The following EVI5 variants were observed in gnomAD, a reference collection of about 807,000 sequenced individuals.
EVI5 encodes ecotropic viral integration site 5.
Under a neutral mutation model 112.0 loss-of-function variants are expected in EVI5, and 73 were observed. The ratio of observed to expected loss-of-function variants is 0.65; its 90% CI spans 0.54 to 0.79. EVI5 has a LOEUF of 0.79. Ranked by LOEUF, EVI5 falls within the 30% of genes least tolerant of loss-of-function variation. EVI5 has a pLI of 0.00. For missense variants in EVI5, 900 were observed against 968.8 expected, an observed-to-expected ratio of 0.93 and a Z score of 0.94; for synonymous variants, 305 against 319.9, an observed-to-expected ratio of 0.95 and a Z score of 0.50.
At chr1:92,746,012 G>A (rs1438836182) in intron 1 of EVI5, among the ~76,000 whole-genome samples, 1 of 152,196 alleles carries the variant, frequency 6.6e-6, no homozygotes. Flanking sequence ...GAAAGCCTAA[G>A]TTGGGTGTAC....
At chr1:92,691,607 G>C (rs560126597) in intron 9 of EVI5, among the ~76,000 whole-genome samples, 2 of 152,178 alleles carry the variant, frequency 1.3e-5, no homozygotes, top group South Asian at 4.1e-4. Flanking sequence ...TTGCTTCTAA[G>C]TCAGAACTCA....
Position 92,530,657 on chromosome 1 carries a change from T to C in EVI5, c.2167-16687A>G, listed in dbSNP as rs573365230. ...ATACCCAGGCAAACAGGGTCCAGAG[T>C]GGACCTCCAACAAACTCCAGCAGAC... On this transcript the variant is annotated intron_variant, in intron 19 of 19. Coordinates refer to ENST00000684568, the MANE Select transcript of EVI5 (RefSeq NM_001350197.2). 9.2e-5 allele frequency among the ~76,000 whole-genome samples: 14 copies of C among 151,762 alleles called. No homozygotes were observed. In the East Asian group the frequency reaches 2.4e-3, roughly 25 times the overall value.
At chr1:92,755,068 G>GTTTTGTT (rs376692311) in intron 1 of EVI5, among the ~76,000 whole-genome samples, 5 of 33,594 alleles carry the variant, frequency 1.5e-4, no homozygotes, top group East Asian at 9.7e-4. Flanking sequence ...GTGAACATAG[G>GTTTTGTT]TTTTTTTTTT....
At chr1:92,656,503 A>C (rs1663015574) in intron 13 of EVI5, among the ~76,000 whole-genome samples, 1 of 151,932 alleles carries the variant, frequency 6.6e-6, no homozygotes, top group Non-Finnish European at 1.5e-5. Context: ...ACAAGAACCT[A>C]AAGCAAGCAG....
chr1:92,607,523 C>CAA lies in EVI5; in HGVS notation c.1974+56_1974+57dup, dbSNP rs139549718. The CAA allele has an allele frequency of 4.1e-6, 5 of 1,206,566 alleles. No individual in the cohort carries two copies. The African/African-American group carries it at 8.0e-5, about 19-fold the overall frequency. The allele number at this position is 1,206,566 out of a possible 1,614,324, so 74.7% of individuals were successfully genotyped here. A position where few individuals can be genotyped will look rare whatever the true frequency, so the allele number is the denominator to read the frequency against. ...GATAATCTAATCACGATAAAACAAA[C>CAA]AAAAAAAAGGCATTATTATATTGAC... On this transcript the variant is annotated intron_variant, in intron 17 of 19. Coordinates refer to ENST00000684568, the MANE Select transcript of EVI5 (RefSeq NM_001350197.2).
At chr1:92,534,548 A>G (rs1462205419) in intron 19 of EVI5, among the ~76,000 whole-genome samples, 3 of 152,190 alleles carry the variant, frequency 2.0e-5, no homozygotes, top group Non-Finnish European at 4.4e-5. Flanking sequence ...AGGCTACAGT[A>G]ACCAAAACAG....
intron 1 of EVI5, among the ~76,000 whole-genome samples, chr1:92,762,912 C>A (rs1280468550): frequency 6.6e-6 from 1 of 152,064 alleles, no homozygotes; most frequent in African/African-American, 2.4e-5. Flanking sequence ...GTCCAGACCT[C>A]ACCACTACAC....
chr1:92,767,787 G>A (rs1156794011), intron 1 of EVI5, among the ~76,000 whole-genome samples: 2 of 152,116 alleles, frequency 1.3e-5, no homozygotes, highest in Non-Finnish European at 2.9e-5. Flanking sequence ...ACTCAAATAA[G>A]CAGATTTTTT....
chr1:92,680,527 A>G (rs1478926886), intron 9 of EVI5, among the ~76,000 whole-genome samples: 2 of 152,174 alleles, frequency 1.3e-5, no homozygotes, highest in African/African-American at 4.8e-5. Context: ...TAAATAAAGA[A>G]TGAGGGAGTG....
intron 1 of EVI5, among the ~76,000 whole-genome samples, chr1:92,753,380 A>G (rs1680478959): frequency 1.3e-5 from 2 of 152,218 alleles, no homozygotes; most frequent in Non-Finnish European, 2.9e-5. Flanking sequence ...CTCTAATAGA[A>G]ATATAAGGCA....
At position 92,729,925 on chromosome 1, in the gene EVI5, A is replaced by C. The variant is rs549782590; in HGVS notation, c.149+6473T>G. Among the ~76,000 whole-genome samples, 130 of 152,332 alleles carry C rather than the reference A, an allele frequency of 8.5e-4. 1 individual carries two copies. In the South Asian group the frequency reaches 0.011, roughly 13 times the overall value. Reference sequence around the variant, plus strand: ...GAAGTGGGGTTTATCCTAAGAATGTAAAGTCGGTTTAACATTGAAAAATCA... The same window carrying C: ...GAAGTGGGGTTTATCCTAAGAATGTCAAGTCGGTTTAACATTGAAAAATCA... On this transcript the variant is annotated intron_variant, in intron 2 of 19. Coordinates refer to ENST00000684568, the MANE Select transcript of EVI5 (RefSeq NM_001350197.2).
intron 5 of EVI5, among the ~76,000 whole-genome samples, chr1:92,701,934 T>C (rs1410523550): frequency 1.2e-4 from 2 of 16,142 alleles, no homozygotes; most frequent in Non-Finnish European, 2.4e-4. Context: ...ATCATGAAGT[T>C]GAAATTTCAT....
At chr1:92,567,688 C>T (rs1377923815) in intron 18 of EVI5, among the ~76,000 whole-genome samples, 1 of 152,068 alleles carries the variant, frequency 6.6e-6, no homozygotes, top group African/African-American at 2.4e-5. Flanking sequence ...ACACTGATGA[C>T]ATTGCCTAAG....
intron 10 of EVI5, among the ~76,000 whole-genome samples, chr1:92,675,145 C>T (rs1666510987): frequency 1.3e-5 from 2 of 152,160 alleles, no homozygotes; most frequent in Non-Finnish European, 2.9e-5. Context: ...GAGTTCGAGA[C>T]CAGCCTGGGC....
intron 10 of EVI5, among the ~76,000 whole-genome samples, chr1:92,667,095 G>A (rs1314282655): frequency 6.6e-6 from 1 of 152,156 alleles, no homozygotes; most frequent in Non-Finnish European, 1.5e-5. Context: ...GACCAGCCTG[G>A]ACAACATGGC....
chr1:92,524,037 C>T (rs1395090621), intron 19 of EVI5, among the ~76,000 whole-genome samples: 1 of 148,684 alleles, frequency 6.7e-6, no homozygotes, highest in Non-Finnish European at 1.5e-5. Flanking sequence ...GTGGAGGTTG[C>T]AGTGAGCCGA....
intron 1 of EVI5, among the ~76,000 whole-genome samples, chr1:92,743,327 T>C (rs529545627): frequency 6.3e-4 from 95 of 151,752 alleles, no homozygotes; most frequent in African/African-American, 2.2e-3. Flanking sequence ...CACTCCAGCC[T>C]GGCGACAGAG....
intron 18 of EVI5, among the ~76,000 whole-genome samples, chr1:92,602,280 A>G (rs1325919638): frequency 1.3e-5 from 2 of 152,248 alleles, no homozygotes; most frequent in Non-Finnish European, 2.9e-5. Flanking sequence ...ATAATTAAAG[A>G]CTTTGAAAGA....
intron 11 of EVI5, among the ~76,000 whole-genome samples, chr1:92,665,179 T>C (rs1381589524): frequency 6.6e-6 from 1 of 152,084 alleles, no homozygotes; most frequent in Non-Finnish European, 1.5e-5. Context: ...CACTCCAGCC[T>C]GGGCAACAGA....
Sources: allele counts gnomAD v4.1 joint callset (sites outside exome capture counted in the v4.1 genomes callset), GRCh38; gene constraint gnomAD v4.1.1; transcripts MANE v1.5; gene names NCBI Gene and HGNC (gene_info 2026-07-23, HGNC 2026-07-21).